Variants in PDGFD observed in about 807,000 individuals in gnomAD.
PDGFD encodes the protein platelet derived growth factor D.
A neutral mutation model predicts 44.7 loss-of-function variants in PDGFD; 30 were observed. The observed-to-expected ratio is 0.67, with a 90% CI of 0.50 to 0.91. The LOEUF (loss-of-function observed/expected upper bound fraction) is 0.91, where lower values mean the gene tolerates loss of function less well. Among genes scored for constraint, PDGFD ranks in the 40% least tolerant of loss-of-function variants. PDGFD has a pLI of 0.00. For synonymous variants in PDGFD, 173 were observed against 168.4 expected (o/e 1.03, Z -0.21); for missense variants, 445 against 457.8 (o/e 0.97, Z 0.25).
intron 6 of PDGFD, among the ~76,000 whole-genome samples, chr11:103,916,934 T>C (rs1479813382): frequency 1.3e-5 from 2 of 152,018 alleles, no homozygotes; most frequent in East Asian, 3.9e-4. Context: ...CCAGGTCCTG[T>C]TTGTGGGTGC....
At chr11:104,107,482 C>T (rs361291) in intron 1 of PDGFD, among the ~76,000 whole-genome samples, 77,226 of 151,974 alleles carry the variant, frequency 0.51, 20,324 homozygotes, top group African/African-American at 0.65. Context: ...ACCCCCTAAA[C>T]TGTGCCTGGA....
At chr11:104,044,466 T>C (rs2134401541) in intron 1 of PDGFD, among the ~76,000 whole-genome samples, 1 of 152,186 alleles carries the variant, frequency 6.6e-6, no homozygotes, top group East Asian at 1.9e-4. Flanking sequence ...TTTTTAACCT[T>C]GACTTAGCTA....
At chr11:103,966,175 T>A (rs1250170078) in intron 3 of PDGFD, among the ~76,000 whole-genome samples, 7 of 152,190 alleles carry the variant, frequency 4.6e-5, no homozygotes, top group Non-Finnish European at 1.0e-4. Flanking sequence ...TGATTAGTTA[T>A]GGAGGACAGA....
intron 1 of PDGFD, among the ~76,000 whole-genome samples, chr11:104,090,203 T>C (rs533574402): frequency 4.1e-4 from 63 of 152,182 alleles, no homozygotes; most frequent in Non-Finnish European, 5.9e-4. Context: ...TAAAAAGCTA[T>C]GAATCTTACA....
At chr11:104,149,229 A>G (rs1862208812) in intron 1 of PDGFD, among the ~76,000 whole-genome samples, 1 of 152,174 alleles carries the variant, frequency 6.6e-6, no homozygotes, top group East Asian at 1.9e-4. Flanking sequence ...TCTATAGGTT[A>G]TTGGAAATTG....
At chr11:104,009,655 G>A (rs2134373732) in intron 1 of PDGFD, among the ~76,000 whole-genome samples, 1 of 151,978 alleles carries the variant, frequency 6.6e-6, no homozygotes, top group African/African-American at 2.4e-5. Flanking sequence ...AAAATGAATA[G>A]GTCAATTTGT....
intron 3 of PDGFD, among the ~76,000 whole-genome samples, chr11:103,993,197 AG>A (rs1295890278): frequency 6.6e-6 from 1 of 151,970 alleles, no homozygotes; most frequent in Non-Finnish European, 1.5e-5. Context: ...CCTCTGGAGT[AG>A]GTGAGGTTAC....
At chr11:103,980,250 A>G (rs941145538) in intron 3 of PDGFD, among the ~76,000 whole-genome samples, 6 of 152,108 alleles carry the variant, frequency 3.9e-5, no homozygotes, top group Admixed American at 1.3e-4. Context: ...TCTGGCCTTG[A>G]ATAGCTATGC....
At chr11:104,070,847 T>C (rs1860862671) in intron 1 of PDGFD, among the ~76,000 whole-genome samples, 1 of 152,188 alleles carries the variant, frequency 6.6e-6, no homozygotes, top group African/African-American at 2.4e-5. Context: ...AATGTTGAAA[T>C]GAATACCTTA....
At chr11:104,094,744 C>T (rs1229116682) in intron 1 of PDGFD, among the ~76,000 whole-genome samples, 1 of 152,138 alleles carries the variant, frequency 6.6e-6, no homozygotes, top group Non-Finnish European at 1.5e-5. Flanking sequence ...CATTCATTGA[C>T]AAATACAACA....
At chr11:104,100,685 G>A (rs1406592729) in intron 1 of PDGFD, among the ~76,000 whole-genome samples, 2 of 152,048 alleles carry the variant, frequency 1.3e-5, no homozygotes, top group South Asian at 2.1e-4. Flanking sequence ...GATGAACATC[G>A]ATGCAAAAAT....
At chr11:104,147,035 C>A (rs935355593) in intron 1 of PDGFD, among the ~76,000 whole-genome samples, 15 of 150,722 alleles carry the variant, frequency 1.0e-4, no homozygotes, top group Non-Finnish European at 2.1e-4. Context: ...GTTTTAAAAA[C>A]CACTTCTTTG....
chr11:104,142,257 AT>A (rs1182891151), intron 1 of PDGFD, among the ~76,000 whole-genome samples: 16 of 152,200 alleles, frequency 1.1e-4, no homozygotes, highest in Non-Finnish European at 2.1e-4. Context: ...TGCTATATAA[AT>A]ATGTGTGTGT....
At position 104,000,915 on chromosome 11, in the gene PDGFD, A is replaced by G. The variant is rs575920825; in HGVS notation, c.125-660T>C. Among the ~76,000 whole-genome samples the G allele has an allele frequency of 1.1e-4, 17 of 152,266 alleles. No individual in the cohort carries two copies. The East Asian group carries it at 3.1e-3, about 28-fold the overall frequency. ...TTTTTGTACTGGGTTCTTGGAAGAG[A>G]GTTTCCAAACCCTTGGAATTTCTCA... On this transcript the variant is annotated intron_variant, in intron 1 of 6. Transcript: ENST00000393158.
intron 1 of PDGFD, among the ~76,000 whole-genome samples, chr11:104,127,521 T>C (rs1297163063): frequency 1.3e-5 from 2 of 152,150 alleles, no homozygotes; most frequent in Admixed American, 6.5e-5. Flanking sequence ...ATCACACATG[T>C]ATTACATTTT....
chr11:104,099,987 G>C (rs1861348637), intron 1 of PDGFD, among the ~76,000 whole-genome samples: 1 of 151,940 alleles, frequency 6.6e-6, no homozygotes, highest in South Asian at 2.1e-4. Context: ...CCACAAATTG[G>C]AACATAAAGA....
intron 1 of PDGFD, among the ~76,000 whole-genome samples, chr11:104,115,244 G>C (rs1170442033): frequency 6.7e-6 from 1 of 150,194 alleles, no homozygotes; most frequent in Non-Finnish European, 1.5e-5. Context: ...TATTATGGAT[G>C]AGTAGCATTC....
chr11:104,019,013 T>C (rs1456898612), intron 1 of PDGFD, among the ~76,000 whole-genome samples: 1 of 152,188 alleles, frequency 6.6e-6, no homozygotes, highest in African/African-American at 2.4e-5. Context: ...GAGGGTGTCC[T>C]CTGCAAAGAA....
At chr11:104,024,531 C>T (rs1302150956) in intron 1 of PDGFD, among the ~76,000 whole-genome samples, 5 of 152,146 alleles carry the variant, frequency 3.3e-5, no homozygotes, top group African/African-American at 1.2e-4. Context: ...TGTATTTTTA[C>T]TGTACTTAGG....
Sources: allele counts gnomAD v4.1 joint callset (sites outside exome capture counted in the v4.1 genomes callset), GRCh38; gene constraint gnomAD v4.1.1; transcripts MANE v1.5; gene names NCBI Gene and HGNC (gene_info 2026-07-23, HGNC 2026-07-21).